The following ITPR1 variants were observed in gnomAD, a reference collection of about 807,000 sequenced individuals.
ITPR1 encodes the protein inositol 1,4,5-trisphosphate-gated calcium channel ITPR1.
ITPR1 carries 96 observed loss-of-function variants against 318.4 expected under a neutral mutation model. That is an observed-to-expected ratio of 0.30 (90% CI 0.26 to 0.36). The LOEUF is 0.36. Ranked by LOEUF, ITPR1 falls within the 10% of genes least tolerant of loss-of-function variation. The probability of loss-of-function intolerance (pLI) is 1.00; values close to 1 mark genes in which losing one functional copy is unlikely to be tolerated. For missense variants in ITPR1, 2,440 were observed against 3,460.2 expected, an observed-to-expected ratio of 0.71 and a Z score of 7.40; for synonymous variants, 1,312 against 1,289.9, an observed-to-expected ratio of 1.02 and a Z score of -0.37.
rs1392064174 is a variant in ITPR1 at position 4,775,448 on chromosome 3, T to G, written c.6180+6T>G. 6.2e-7 allele frequency: 1 copy of G among 1,604,206 alleles called. No homozygotes were observed. Among genetic ancestry groups the G allele is most frequent in the Admixed American group, 1.7e-5 (1 of 58,920 alleles). ...GACCTTGCCATGAGAACCAGGTAAT[T>G]AAATTTCTGTTTTGGGATGGGGAAA... On this transcript the variant is annotated splice_donor_region_variant and intron_variant, in intron 47 of 61. Coordinates refer to ENST00000649015, the MANE Select transcript of ITPR1 (RefSeq NM_001378452.1).
chr3:4,629,353 A>G (rs1221606525), intron 5 of ITPR1, among the ~76,000 whole-genome samples: 1 of 152,098 alleles, frequency 6.6e-6, no homozygotes, highest in Non-Finnish European at 1.5e-5. Flanking sequence ...CCGAAGTGTC[A>G]TCTCAGCAAG....
At chr3:4,784,147 G>A (rs1321890817) in intron 51 of ITPR1, among the ~76,000 whole-genome samples, 1 of 152,136 alleles carries the variant, frequency 6.6e-6, no homozygotes, top group Non-Finnish European at 1.5e-5. Flanking sequence ...CATTCCTCAC[G>A]AATTCACGAG....
chr3:4,818,083 C>A lies in ITPR1; in HGVS notation c.7869C>A (p.Gly2623=), dbSNP rs367926649. The A allele has an allele frequency of 2.5e-6, 4 of 1,595,876 alleles. No individual in the cohort carries two copies. Among genetic ancestry groups the A allele is most frequent in the Non-Finnish European group, 3.4e-6 (4 of 1,167,230 alleles). ...EILKTTCFIC[G]LERDKFDNKT... The stretch of plus-strand genomic sequence containing the variant: ...GGGGGCTTTTTGTCTCATTTTTAGG[C>A]TTGGAAAGAGACAAGTTTGACAACA... The change falls in exon 60 of 62, where the codon GGC becomes GGA. Residue 2623 remains glycine, a splice_region_variant and synonymous_variant. Transcript: ENST00000649015.
At chr3:4,537,696 A>C (rs901003182) in intron 4 of ITPR1, among the ~76,000 whole-genome samples, 2 of 151,890 alleles carry the variant, frequency 1.3e-5, no homozygotes, top group Non-Finnish European at 2.9e-5. Flanking sequence ...TGAGCCAAGG[A>C]ATGCAGGAAG....
At chr3:4,761,328 T>C (rs968834629) in intron 44 of ITPR1, among the ~76,000 whole-genome samples, 4 of 152,108 alleles carry the variant, frequency 2.6e-5, no homozygotes, top group Admixed American at 2.0e-4. Context: ...GTACCCAATG[T>C]TTATCTCTCA....
At chr3:4,738,398 A>T (rs890880352) in intron 44 of ITPR1, among the ~76,000 whole-genome samples, 3 of 152,086 alleles carry the variant, frequency 2.0e-5, no homozygotes, top group South Asian at 2.1e-4. Flanking sequence ...AGACCCTGTC[A>T]CTCCTTGCAC....
At chr3:4,844,795 G>C (rs929552569) in intron 61 of ITPR1, among the ~76,000 whole-genome samples, 4 of 152,186 alleles carry the variant, frequency 2.6e-5, no homozygotes, top group African/African-American at 9.7e-5. Flanking sequence ...CTAAGTCCTT[G>C]TAAGTCTTCT....
intron 4 of ITPR1, among the ~76,000 whole-genome samples, chr3:4,552,502 G>A (rs909950239): frequency 2.6e-5 from 4 of 152,212 alleles, no homozygotes; most frequent in African/African-American, 9.7e-5. Context: ...GAGATACACA[G>A]GGTGAGGTCT....
intron 5 of ITPR1, among the ~76,000 whole-genome samples, chr3:4,634,258 C>T (rs142183984): frequency 6.6e-6 from 1 of 152,000 alleles, no homozygotes; most frequent in Non-Finnish European, 1.5e-5. Context: ...CTATCACCCA[C>T]GCTGGTGTGC....
At chr3:4,672,106 C>T (rs2094099799) in intron 20 of ITPR1, among the ~76,000 whole-genome samples, 1 of 152,160 alleles carries the variant, frequency 6.6e-6, no homozygotes, top group African/African-American at 2.4e-5. Flanking sequence ...TCACATGCTG[C>T]AGTTCTTCAT....
intron 5 of ITPR1, 57 bp downstream of exon 5, chr3:4,627,935 A>G (rs2092892197): frequency 9.6e-7 from 1 of 1,045,396 alleles, no homozygotes; most frequent in Non-Finnish European, 1.4e-6. Context: ...CCTTGGTGGT[A>G]TCTGGGTGTA....
intron 42 of ITPR1, among the ~76,000 whole-genome samples, chr3:4,729,622 G>T (rs17041308): frequency 6.6e-6 from 1 of 152,078 alleles, no homozygotes; most frequent in African/African-American, 2.4e-5. Context: ...CAGTTCATTC[G>T]CTTATTTAGT....
rs1364369719 is a variant in ITPR1 at position 4,775,319 on chromosome 3, T to C, written c.6057T>C (p.Cys2019=). The C allele has an allele frequency of 6.2e-7, 1 of 1,613,844 alleles. No homozygotes were observed. Among genetic ancestry groups the C allele is most frequent in the Non-Finnish European group, 8.5e-7 (1 of 1,179,810 alleles). The stretch of plus-strand genomic sequence containing the variant: ...CCCTGCAGTTTCTGGACTGTATTTG[T>C]GGAAGCACAACTGGAGGCCTTGGTC... The part of the protein sequence containing the change: ...CETLQFLDCI[C]GSTTGGLGLL... Residue 2019 remains cysteine, a synonymous_variant, in exon 47 of 62, where the codon TGT becomes TGC. Coordinates refer to ENST00000649015, the MANE Select transcript of ITPR1 (RefSeq NM_001378452.1).
intron 4 of ITPR1, among the ~76,000 whole-genome samples, chr3:4,580,159 G>A (rs763548907): frequency 2.5e-4 from 38 of 151,984 alleles, no homozygotes; most frequent in Non-Finnish European, 3.1e-4. Flanking sequence ...GCAGTGAGCC[G>A]AGATCATGCC....
chr3:4,598,871 C>T (rs1448170277), intron 4 of ITPR1, among the ~76,000 whole-genome samples: 1 of 152,122 alleles, frequency 6.6e-6, no homozygotes, highest in Non-Finnish European at 1.5e-5. Flanking sequence ...CTGAGAACAT[C>T]GTCAAACCCA....
At chr3:4,733,988 C>A (rs2043106730) in intron 43 of ITPR1, among the ~76,000 whole-genome samples, 1 of 152,216 alleles carries the variant, frequency 6.6e-6, no homozygotes, top group Non-Finnish European at 1.5e-5. Flanking sequence ...GACTGTGGGG[C>A]AGCTTCAGAT....
At chr3:4,617,822 A>G (rs368608583) in intron 4 of ITPR1, among the ~76,000 whole-genome samples, 2,989 of 116,170 alleles carry the variant, frequency 0.026, 78 homozygotes, top group African/African-American at 0.091. Flanking sequence ...TATTTCTATT[A>G]AAAAATGCAA....
chr3:4,799,084 A>AT (rs1168446550), intron 53 of ITPR1, among the ~76,000 whole-genome samples: 1 of 152,222 alleles, frequency 6.6e-6, no homozygotes, highest in African/African-American at 2.4e-5. Flanking sequence ...AAATGCATGG[A>AT]TTTTTTAAAA....
chr3:4,752,765 C>G (rs1160646829), intron 44 of ITPR1, among the ~76,000 whole-genome samples: 1 of 152,206 alleles, frequency 6.6e-6, no homozygotes, highest in Non-Finnish European at 1.5e-5. Flanking sequence ...TCCGGAGTAG[C>G]TAGAACTACT....
Sources: allele counts gnomAD v4.1 joint callset (sites outside exome capture counted in the v4.1 genomes callset), GRCh38; gene constraint gnomAD v4.1.1; transcripts MANE v1.5; gene names NCBI Gene and HGNC (gene_info 2026-07-23, HGNC 2026-07-21).